Variants in PRKCQ observed in about 807,000 individuals in gnomAD.
The protein encoded by PRKCQ is protein kinase C theta, also known as protein kinase C theta type.
PRKCQ carries 41 observed loss-of-function variants against 91.2 expected under a neutral mutation model. The observed-to-expected ratio is 0.45, with a 90% CI of 0.35 to 0.58. The LOEUF is 0.58. PRKCQ is among the 20% of genes least tolerant of loss of function. The probability of loss-of-function intolerance (pLI) is 0.00; values close to 1 mark genes in which losing one functional copy is unlikely to be tolerated. For synonymous variants in PRKCQ, 307 were observed against 316.9 expected (o/e 0.97, Z 0.33); for missense variants, 673 against 896.5 (o/e 0.75, Z 3.18).
intron 4 of PRKCQ, among the ~76,000 whole-genome samples, chr10:6,502,566 C>G (rs151138114): frequency 1.3e-5 from 2 of 152,282 alleles, no homozygotes; most frequent in Non-Finnish European, 2.9e-5. Context: ...TTTGCAGATG[C>G]TGGAACACTG....
At chr10:6,438,086 G>A (rs763271604) in intron 16 of PRKCQ, among the ~76,000 whole-genome samples, 7 of 152,248 alleles carry the variant, frequency 4.6e-5, no homozygotes, top group Non-Finnish European at 7.3e-5. Context: ...CTAAGCTATT[G>A]CTTGTTTGGA....
the PRKCQ span, among the ~76,000 whole-genome samples, chr10:6,419,129 C>T: frequency 2.0e-4 from 30 of 152,102 alleles, no homozygotes; most frequent in Admixed American, 3.9e-4. Context: ...TCCACCCATT[C>T]GTCCATTTAT....
intron 4 of PRKCQ, 90 bp from the exon 5 acceptor site, chr10:6,498,648 G>A: frequency 1.5e-6 from 2 of 1,337,598 alleles, no homozygotes; most frequent in Non-Finnish European, 1.0e-6. Context: ...AGATGGGCAA[G>A]GGATGGAGGA....
chr10:6,406,080 G>A, the PRKCQ span, among the ~76,000 whole-genome samples: 452 of 152,212 alleles, frequency 3.0e-3, 4 homozygotes, highest in African/African-American at 0.01. Context: ...TTACCAACAT[G>A]GAGAAAGAGC....
intron 1 of PRKCQ, among the ~76,000 whole-genome samples, chr10:6,567,133 C>G (rs999617150): frequency 2.0e-5 from 3 of 152,126 alleles, no homozygotes; most frequent in Admixed American, 1.3e-4. Flanking sequence ...CATTAGGGAG[C>G]TCCACTAATG....
chr10:6,526,606 C>T (rs571881558), intron 1 of PRKCQ, among the ~76,000 whole-genome samples: 1 of 152,092 alleles, frequency 6.6e-6, no homozygotes, highest in African/African-American at 2.4e-5. Flanking sequence ...CGTTCCCGGC[C>T]GAAACATGGG....
chr10:6,409,683 T>C, the PRKCQ span, among the ~76,000 whole-genome samples: 4 of 152,230 alleles, frequency 2.6e-5, no homozygotes, highest in Non-Finnish European at 5.9e-5. Context: ...GACACAGTTT[T>C]GATAATATGT....
chr10:6,485,758 T>A (rs1260198154), intron 9 of PRKCQ, among the ~76,000 whole-genome samples: 1 of 152,240 alleles, frequency 6.6e-6, no homozygotes, highest in East Asian at 1.9e-4. Flanking sequence ...AAGCTGTCAA[T>A]GAATCTTCAA....
At chr10:6,552,893 A>AT (rs71515440) in intron 1 of PRKCQ, among the ~76,000 whole-genome samples, 1 of 40,934 alleles carries the variant, frequency 2.4e-5, no homozygotes, top group East Asian at 0.013. Context: ...AAAAATTAAA[A>AT]TTTTTTTTTA....
At chr10:6,513,076 CA>C (rs1257657334) in intron 2 of PRKCQ, among the ~76,000 whole-genome samples, 1 of 152,164 alleles carries the variant, frequency 6.6e-6, no homozygotes, top group African/African-American at 2.4e-5. Context: ...GCACTTTTTA[CA>C]TTTTCATTCG....
chr10:6,554,349 G>A (rs916735460), intron 1 of PRKCQ, among the ~76,000 whole-genome samples: 1 of 152,060 alleles, frequency 6.6e-6, no homozygotes, highest in Non-Finnish European at 1.5e-5. Context: ...TTAAAGTGTG[G>A]TTGGAACTGA....
At chr10:6,532,097 C>A (rs551131669) in intron 1 of PRKCQ, among the ~76,000 whole-genome samples, 2 of 152,160 alleles carry the variant, frequency 1.3e-5, no homozygotes, top group South Asian at 4.1e-4. Context: ...TTACATATGC[C>A]GAAGGATTGT....
At chr10:6,418,988 TATCTA>T in the PRKCQ span, among the ~76,000 whole-genome samples, 8 of 149,880 alleles carry the variant, frequency 5.3e-5, no homozygotes, top group Non-Finnish European at 7.4e-5. Flanking sequence ...TCTATCTATC[TATCTA>T]TCTATCTATC....
At chr10:6,536,495 GC>G (rs1242139979) in intron 1 of PRKCQ, among the ~76,000 whole-genome samples, 1 of 151,184 alleles carries the variant, frequency 6.6e-6, no homozygotes, top group Admixed American at 6.6e-5. Context: ...TTAGTAAGAA[GC>G]AGACAAGGCT....
intron 7 of PRKCQ, 104 bp downstream of exon 7, chr10:6,496,931 T>C: frequency 9.8e-7 from 1 of 1,022,234 alleles, no homozygotes; most frequent in East Asian, 2.4e-5. Context: ...CACTGATAAA[T>C]GGGAGGATGC....
chr10:6,425,656 T>G (rs1331078871), downstream of PRKCQ, among the ~76,000 whole-genome samples: 1 of 152,158 alleles, frequency 6.6e-6, no homozygotes, highest in African/African-American at 2.4e-5. Context: ...ACCTGACATA[T>G]TCATACAGAT....
intron 1 of PRKCQ, among the ~76,000 whole-genome samples, chr10:6,542,490 G>A (rs1462350434): frequency 6.6e-6 from 1 of 152,184 alleles, no homozygotes; most frequent in Non-Finnish European, 1.5e-5. Flanking sequence ...TGAAATACTC[G>A]TATTTTGGCA....
chr10:6,500,485 A>G (rs981968119), intron 4 of PRKCQ, among the ~76,000 whole-genome samples: 4 of 151,462 alleles, frequency 2.6e-5, no homozygotes, highest in African/African-American at 9.7e-5. Context: ...ATAGTTATAT[A>G]CACAATTTCT....
In PRKCQ at chr10:6,521,909, T is replaced by G. The variant is rs569734859; in HGVS notation, c.-9-6765A>C. On this transcript the variant is annotated intron_variant, in intron 1 of 17. Coordinates refer to ENST00000263125, the MANE Select transcript of PRKCQ (RefSeq NM_006257.5). The stretch of plus-strand genomic sequence containing the variant: ...TGTACTATGTTATGTTATGTGATGT[T>G]ATGTTATGTTATGTTATTTATTTAT... Among the ~76,000 whole-genome samples, 175 of 75,766 alleles carry G rather than the reference T, an allele frequency of 2.3e-3. 1 individual carries two copies. The highest frequency in any genetic ancestry group is 0.02 in the East Asian group (32 of 1,616). The allele number at this position is 75,766 out of a possible 152,430, so 49.7% of individuals were successfully genotyped here. A position where few individuals can be genotyped will look rare whatever the true frequency, so the allele number is the denominator to read the frequency against.
Sources: allele counts gnomAD v4.1 joint callset (sites outside exome capture counted in the v4.1 genomes callset), GRCh38; gene constraint gnomAD v4.1.1; transcripts MANE v1.5; gene names NCBI Gene and HGNC (gene_info 2026-07-23, HGNC 2026-07-21).